Variants in FBXW7 observed in about 807,000 individuals in gnomAD.
FBXW7 encodes the protein F-box and WD repeat domain containing 7.
FBXW7 carries 11 observed loss-of-function variants against 86.3 expected under a neutral mutation model. The observed-to-expected ratio is 0.13, with a 90% CI of 0.08 to 0.21. The LOEUF is 0.21. Ranked by LOEUF, FBXW7 falls within the 10% of genes least tolerant of loss-of-function variation. The pLI is 1.00. For missense variants in FBXW7, 488 were observed against 847.4 expected, an observed-to-expected ratio of 0.58 and a Z score of 5.27; for synonymous variants, 313 against 297.9, an observed-to-expected ratio of 1.05 and a Z score of -0.52.
rs915828613 is a variant in FBXW7, at chr4:152,444,187, A to G, written c.-119-31658T>C. Among the ~76,000 whole-genome samples the G allele has an allele frequency of 3.9e-5, 6 of 152,320 alleles. No individual in the cohort carries two copies. In the East Asian group the frequency reaches 1.2e-3, roughly 29 times the overall value. ...TATGATTTAACCTAAGACCATATGC[A>G]CTATATGTACATATATGTATGACCA... On this transcript the variant is annotated intron_variant, in intron 2 of 13. Coordinates refer to ENST00000281708, the MANE Select transcript of FBXW7 (RefSeq NM_001349798.2).
rs1465533511 is a variant in FBXW7, at chr4:152,328,191, A to C, written c.1418+17T>G. 1 of 1,577,866 alleles carries C rather than the reference A, an allele frequency of 6.3e-7. No homozygotes were observed. Among genetic ancestry groups the C allele is most frequent in the Non-Finnish European group, 8.6e-7 (1 of 1,165,476 alleles). ...AATAGAGGAAGAAGTCCCAACCATG[A>C]CAAGATTTTCCCTTACCTTTTTTCA... On this transcript the variant is annotated intron_variant, in intron 11 of 13. Coordinates refer to ENST00000281708, the MANE Select transcript of FBXW7 (RefSeq NM_001349798.2).
At chr4:152,453,056 T>A (rs1362441561) in intron 2 of FBXW7, among the ~76,000 whole-genome samples, 1 of 151,968 alleles carries the variant, frequency 6.6e-6, no homozygotes, top group Non-Finnish European at 1.5e-5. Flanking sequence ...TGGTGGCACA[T>A]GCCTGTAATC....
At chr4:152,360,549 T>A (rs1416932586) in intron 4 of FBXW7, among the ~76,000 whole-genome samples, 1 of 152,082 alleles carries the variant, frequency 6.6e-6, no homozygotes, top group Non-Finnish European at 1.5e-5. Flanking sequence ...TTTCATCTTG[T>A]TCTACCCCAG....
chr4:152,405,565 T>C (rs1294415570), intron 4 of FBXW7, among the ~76,000 whole-genome samples: 1 of 152,204 alleles, frequency 6.6e-6, no homozygotes, highest in Non-Finnish European at 1.5e-5. Flanking sequence ...GAGCTAAAAA[T>C]TCATTTTAAA....
At chr4:152,416,492 C>T (rs1184473875) in intron 2 of FBXW7, among the ~76,000 whole-genome samples, 1 of 152,078 alleles carries the variant, frequency 6.6e-6, no homozygotes, top group East Asian at 1.9e-4. Context: ...AAGATTAATA[C>T]TTCGAAAACA....
Position 152,332,636 on chromosome 4 carries a change from A to G in FBXW7, c.945T>C (p.Ala315=), listed in dbSNP as rs2126548302. The stretch of plus-strand genomic sequence containing the variant: ...TCTCTCTCCAGAGAAGGTTGTCTTC[A>G]GCCAAAATTCTCCAGTAGCGACATG... ...AQTCRYWRIL[A]EDNLLWREKC... is the part of the protein sequence containing the mutation. The change falls in exon 8 of 14, where the codon GCT becomes GCC. Residue 315 remains alanine (A), a synonymous_variant. Transcript: ENST00000281708. 1 of 1,607,350 alleles carries G rather than the reference A, an allele frequency of 6.2e-7. No homozygotes were observed. Among genetic ancestry groups the G allele is most frequent in the East Asian group, 2.2e-5 (1 of 44,538 alleles).
intron 2 of FBXW7, among the ~76,000 whole-genome samples, chr4:152,445,014 T>C (rs1741243217): frequency 6.6e-6 from 1 of 152,252 alleles, no homozygotes; most frequent in African/African-American, 2.4e-5. Context: ...TTTGTAGAGA[T>C]GAGGTTTTGC....
intron 2 of FBXW7, among the ~76,000 whole-genome samples, chr4:152,454,727 C>CA (rs1436298247): frequency 1.3e-5 from 2 of 151,766 alleles, no homozygotes; most frequent in African/African-American, 2.4e-5. Flanking sequence ...ATCCTCCTTC[C>CA]AAAAAACAAA....
At chr4:152,403,427 GA>G (rs1737120070) in intron 4 of FBXW7, among the ~76,000 whole-genome samples, 1 of 150,600 alleles carries the variant, frequency 6.6e-6, no homozygotes, top group Admixed American at 6.6e-5. Context: ...GCAGTGAGCT[GA>G]GATTGCACCA....
At chr4:152,430,405 T>C (rs949928492) in intron 2 of FBXW7, among the ~76,000 whole-genome samples, 1 of 152,172 alleles carries the variant, frequency 6.6e-6, no homozygotes, top group African/African-American at 2.4e-5. Context: ...ATTTCTTGTG[T>C]GAAAAATTAC....
chr4:152,504,655 T>C (rs998418543), intron 2 of FBXW7, among the ~76,000 whole-genome samples: 5 of 152,196 alleles, frequency 3.3e-5, no homozygotes, highest in South Asian at 2.1e-4. Context: ...TACTTAAGTG[T>C]GTCTGAAACG....
intron 4 of FBXW7, among the ~76,000 whole-genome samples, chr4:152,396,132 T>C (rs1736400645): frequency 6.6e-6 from 1 of 151,920 alleles, no homozygotes; most frequent in South Asian, 2.1e-4. Context: ...AAATAAATCA[T>C]TGATGGAAAT....
At chr4:152,403,978 C>T (rs1737182706) in intron 4 of FBXW7, among the ~76,000 whole-genome samples, 2 of 152,192 alleles carry the variant, frequency 1.3e-5, no homozygotes, top group African/African-American at 2.4e-5. Context: ...AAAACAAGAA[C>T]GGATACTACT....
At chr4:152,425,450 A>G (rs1215238218) in intron 2 of FBXW7, among the ~76,000 whole-genome samples, 1 of 152,202 alleles carries the variant, frequency 6.6e-6, no homozygotes, top group Admixed American at 6.5e-5. Context: ...CACCTTAAAT[A>G]TTGTATTTTT....
At chr4:152,422,086 A>T (rs1180566806) in intron 2 of FBXW7, among the ~76,000 whole-genome samples, 3 of 149,850 alleles carry the variant, frequency 2.0e-5, no homozygotes, top group African/African-American at 2.5e-5. Flanking sequence ...CAATTTGTTT[A>T]AAAAAAAAAT....
chr4:152,369,536 C>T (rs569456939), intron 4 of FBXW7, among the ~76,000 whole-genome samples: 2 of 151,900 alleles, frequency 1.3e-5, no homozygotes, highest in Admixed American at 6.6e-5. Flanking sequence ...AATATTAAGT[C>T]GGGGGAAAAG....
At position 152,535,518 on chromosome 4, in the gene FBXW7, G is replaced by T. The variant is rs1214500865; in HGVS notation, c.-604C>A. Reference sequence around the variant, plus strand: ...CGGCCGGGGGGTGGTTGCCGAGCTTGGTTGGGGCCCCGGTTCATACACTCC... The same window carrying T: ...CGGCCGGGGGGTGGTTGCCGAGCTTTGTTGGGGCCCCGGTTCATACACTCC... On this transcript the variant is annotated 5_prime_UTR_variant, in exon 1 of 14. Transcript: ENST00000281708. 5 of 395,824 alleles carry T rather than the reference G, an allele frequency of 1.3e-5. No individual in the cohort carries two copies. In the Admixed American group the frequency reaches 1.8e-4, roughly 14 times the overall value. 24.5% of individuals were successfully genotyped at this position (395,824 alleles called of 1,614,324 possible).
intron 2 of FBXW7, among the ~76,000 whole-genome samples, chr4:152,488,286 C>T (rs574322816): frequency 7.8e-4 from 118 of 152,094 alleles, no homozygotes; most frequent in African/African-American, 2.7e-3. Flanking sequence ...TTTAGTTCTT[C>T]ATCATGTTCC....
chr4:152,370,404 G>GGATAAATATTTAACCTTTTCT (rs1390167038), intron 4 of FBXW7, among the ~76,000 whole-genome samples: 1 of 151,820 alleles, frequency 6.6e-6, no homozygotes, highest in Non-Finnish European at 1.5e-5. Context: ...TGTGCTTTTG[G>GGATAAATATTTAACCTTTTCT]GATAAATATT....
Sources: gnomAD v4.1 joint callset for allele counts (sites outside exome capture counted in the v4.1 genomes callset) on GRCh38, gnomAD v4.1.1 for gene constraint, MANE v1.5 for transcripts, NCBI Gene and HGNC (gene_info 2026-07-23, HGNC 2026-07-21) for gene names.